The following SYT16 variants were observed in gnomAD, a reference collection of about 807,000 sequenced individuals.
SYT16 encodes synaptotagmin 16.
A neutral mutation model predicts 61.4 loss-of-function variants in SYT16; 42 were observed. The observed-to-expected ratio is 0.68, with a 90% confidence interval of 0.53 to 0.89. The LOEUF (loss-of-function observed/expected upper bound fraction) is 0.89. Among genes scored for constraint, SYT16 ranks in the 40% least tolerant of loss-of-function variants. SYT16 has a pLI of 0.00. For synonymous variants in SYT16, 314 were observed against 302.3 expected (o/e 1.04, Z -0.40); for missense variants, 804 against 807.3 (o/e 1.00, Z 0.05).
intron 1 of SYT16, among the ~76,000 whole-genome samples, chr14:61,870,773 A>G (rs961297747): frequency 6.6e-6 from 1 of 152,096 alleles, no homozygotes; most frequent in South Asian, 2.1e-4. Flanking sequence ...TATATTATTC[A>G]TCTCCATAAA....
chr14:61,889,424 G>A (rs2048035676), intron 1 of SYT16, among the ~76,000 whole-genome samples: 1 of 152,130 alleles, frequency 6.6e-6, no homozygotes, highest in South Asian at 2.1e-4. Context: ...TTTCAATGTT[G>A]GAGGTGGGGC....
At chr14:61,924,335 C>T (rs1333027660) in intron 1 of SYT16, among the ~76,000 whole-genome samples, 2 of 152,122 alleles carry the variant, frequency 1.3e-5, no homozygotes, top group African/African-American at 4.8e-5. Flanking sequence ...TGGGTGTCAG[C>T]ACATTAGGAT....
intron 2 of SYT16, among the ~76,000 whole-genome samples, chr14:61,982,668 A>G (rs2052135033): frequency 6.6e-6 from 1 of 152,142 alleles, no homozygotes; most frequent in Non-Finnish European, 1.5e-5. Context: ...GGCAGCATGA[A>G]ATGCACATCT....
At position 62,055,200 on chromosome 14, in the gene SYT16, CCATT is replaced by C. The variant is rs961344430; in HGVS notation, c.524-14398_524-14395del. Among the ~76,000 whole-genome samples the C allele has an allele frequency of 5.9e-5, 9 of 152,156 alleles. 1 individual carries two copies. Among genetic ancestry groups the C allele is most frequent in the Admixed American group, 3.3e-4 (5 of 15,266 alleles). Reference sequence around the variant, plus strand: ...TCAGCAGAGTAAATTACAGTCTTGGCCATTCATTTGTATGCAAATGCCACCATAG... The same window carrying C: ...TCAGCAGAGTAAATTACAGTCTTGGCCATTTGTATGCAAATGCCACCATAG... On this transcript the variant is annotated intron_variant, in intron 3 of 7. Transcript: ENST00000683842.
chr14:61,840,101 G>A (rs1354719967), intron 1 of SYT16, among the ~76,000 whole-genome samples: 2 of 152,124 alleles, frequency 1.3e-5, no homozygotes, highest in East Asian at 3.8e-4. Context: ...TACATGTAGG[G>A]AATAAGGGAG....
chr14:62,079,137 T>G (rs1040550292), intron 5 of SYT16, among the ~76,000 whole-genome samples: 2 of 152,204 alleles, frequency 1.3e-5, no homozygotes, highest in East Asian at 3.9e-4. Context: ...TCTGACTTGA[T>G]TTTTGAGTTG....
At chr14:62,009,550 C>T (rs955410987) in intron 3 of SYT16, among the ~76,000 whole-genome samples, 3 of 152,156 alleles carry the variant, frequency 2.0e-5, no homozygotes, top group Non-Finnish European at 4.4e-5. Flanking sequence ...CTAGATTCTG[C>T]TTTGGATGTT....
At position 61,826,634 on chromosome 14, in the gene SYT16, C is replaced by T. The variant is rs892912247; in HGVS notation, c.-325+13824C>T. 5.9e-5 allele frequency among the ~76,000 whole-genome samples: 9 copies of T among 151,960 alleles called. 1 individual carries two copies. Among genetic ancestry groups the T allele is most frequent in the South Asian group, 2.1e-4 (1 of 4,834 alleles). Reference sequence around the variant, plus strand: ...TTGGTACAGAACCTCATTCTTGCCACGAGGGATGCGAGGTTTCCAAACCCA... The same window carrying T: ...TTGGTACAGAACCTCATTCTTGCCATGAGGGATGCGAGGTTTCCAAACCCA... On this transcript the variant is annotated intron_variant, in intron 1 of 7. Coordinates refer to ENST00000683842, the MANE Select transcript of SYT16 (RefSeq NM_001367656.1).
intron 1 of SYT16, among the ~76,000 whole-genome samples, chr14:61,940,291 C>T (rs560549472): frequency 6.6e-6 from 1 of 151,584 alleles, no homozygotes; most frequent in African/African-American, 2.4e-5. Flanking sequence ...GCTTAAAGGT[C>T]CTCATGTTAT....
chr14:62,085,338 AT>A (rs1229775851), intron 7 of SYT16, among the ~76,000 whole-genome samples: 2 of 152,212 alleles, frequency 1.3e-5, no homozygotes, highest in Non-Finnish European at 2.9e-5. Flanking sequence ...TGGATCTGGA[AT>A]GCTAGCTGCA....
chr14:61,991,496 C>T (rs562969696), intron 2 of SYT16, among the ~76,000 whole-genome samples: 1 of 152,138 alleles, frequency 6.6e-6, no homozygotes, highest in Admixed American at 6.5e-5. Flanking sequence ...TTACCTAAGC[C>T]CCAAAGATAT....
At chr14:61,942,490 G>C (rs1236624373) in intron 1 of SYT16, among the ~76,000 whole-genome samples, 1 of 152,174 alleles carries the variant, frequency 6.6e-6, no homozygotes, top group Non-Finnish European at 1.5e-5. Flanking sequence ...TTTAAATAAT[G>C]AAAGTTTAGC....
intron 1 of SYT16, among the ~76,000 whole-genome samples, chr14:61,948,703 A>G (rs952386768): frequency 2.0e-5 from 3 of 152,184 alleles, no homozygotes; most frequent in African/African-American, 4.8e-5. Flanking sequence ...CACGAGAAAA[A>G]TGCAGAAAAT....
intron 1 of SYT16, among the ~76,000 whole-genome samples, chr14:61,877,509 C>T (rs914484537): frequency 6.6e-6 from 1 of 152,214 alleles, no homozygotes; most frequent in African/African-American, 2.4e-5. Context: ...TTCGTTAGAT[C>T]TGAGGTATAA....
intron 1 of SYT16, among the ~76,000 whole-genome samples, chr14:61,939,101 C>T (rs1164919915): frequency 6.6e-6 from 1 of 152,212 alleles, no homozygotes; most frequent in Non-Finnish European, 1.5e-5. Flanking sequence ...TGCCACTGCA[C>T]TCCAGCCTGG....
At chr14:61,925,121 C>T (rs1187492079) in intron 1 of SYT16, among the ~76,000 whole-genome samples, 2 of 152,216 alleles carry the variant, frequency 1.3e-5, no homozygotes, top group Non-Finnish European at 2.9e-5. Context: ...TTGTTCTATT[C>T]CTAAGGAAGA....
At chr14:61,922,535 G>A (rs1211289811) in intron 1 of SYT16, among the ~76,000 whole-genome samples, 8 of 152,178 alleles carry the variant, frequency 5.3e-5, no homozygotes, top group Non-Finnish European at 1.2e-4. Flanking sequence ...CCACTTGAGG[G>A]TAGAGAGTAG....
chr14:62,034,000 A>G (rs1045812313), intron 3 of SYT16, among the ~76,000 whole-genome samples: 1 of 152,206 alleles, frequency 6.6e-6, no homozygotes, highest in Admixed American at 6.5e-5. Context: ...AAGAGTTATT[A>G]CAGCTAAATA....
chr14:61,898,793 G>A (rs887165524), intron 1 of SYT16, among the ~76,000 whole-genome samples: 1 of 152,170 alleles, frequency 6.6e-6, no homozygotes, highest in Non-Finnish European at 1.5e-5. Flanking sequence ...TATTTGAGAA[G>A]CCTGTTGTCT....
Sources: gnomAD v4.1 joint callset for allele counts (sites outside exome capture counted in the v4.1 genomes callset) on GRCh38, gnomAD v4.1.1 for gene constraint, MANE v1.5 for transcripts, NCBI Gene and HGNC (gene_info 2026-07-23, HGNC 2026-07-21) for gene names.